The following COLEC10 variants were observed in gnomAD, a reference collection of about 807,000 sequenced individuals.
COLEC10 encodes the protein collectin subfamily member 10.
A neutral mutation model predicts 28.4 loss-of-function variants in COLEC10; 22 were observed. The observed-to-expected ratio is 0.78, with a 90% confidence interval of 0.55 to 1.11. The LOEUF is 1.11. Ranked by LOEUF, COLEC10 falls within the 50% of genes least tolerant of loss-of-function variation. COLEC10 has a pLI of 0.00. For missense variants in COLEC10, 361 were observed against 344.1 expected (o/e 1.05, Z -0.39); for synonymous variants, 125 against 116.1 (o/e 1.08, Z -0.49).
Position 119,043,325 on chromosome 8 carries a change from C to G in COLEC10, n.235+33772C>G, listed in dbSNP as rs117548462. 1.4e-3 allele frequency among the ~76,000 whole-genome samples: 213 copies of G among 152,208 alleles called. 3 individuals are homozygous for G. The East Asian group carries it at 0.035, about 25-fold the overall frequency. On this transcript the variant is annotated intron_variant and non_coding_transcript_variant, in intron 2 of 6. Transcript: ENST00000521788. ...ATAAAACATTGCAAGGATTTGTAGA[C>G]ACTAAGAAACAATAGCAGGAAGCCA...
chr8:119,061,426 C>A (rs1814853142), intron 2 of COLEC10, among the ~76,000 whole-genome samples: 1 of 144,808 alleles, frequency 6.9e-6, no homozygotes, highest in Admixed American at 6.9e-5. Context: ...ATTGAAATTT[C>A]AGAATAGCTG....
chr8:118,975,653 T>G, the COLEC10 span, among the ~76,000 whole-genome samples: 1 of 152,134 alleles, frequency 6.6e-6, no homozygotes, highest in Non-Finnish European at 1.5e-5. Context: ...TTCCAAACTA[T>G]TAATCTTGCC....
At chr8:119,070,473 C>CTCTCTT (rs1185339032) in intron 1 of COLEC10, among the ~76,000 whole-genome samples, 2 of 129,936 alleles carry the variant, frequency 1.5e-5, no homozygotes, top group East Asian at 4.7e-4. Flanking sequence ...CTCTCTCTCT[C>CTCTCTT]TCTCCTTCCC....
At chr8:119,047,370 C>T (rs892916740) in intron 2 of COLEC10, among the ~76,000 whole-genome samples, 1 of 152,142 alleles carries the variant, frequency 6.6e-6, no homozygotes, top group Non-Finnish European at 1.5e-5. Context: ...AAAGTGTGGC[C>T]ATGGCCAGCT....
intron 2 of COLEC10, among the ~76,000 whole-genome samples, chr8:119,027,785 G>A (rs146221360): frequency 6.6e-6 from 1 of 152,148 alleles, no homozygotes; most frequent in East Asian, 1.9e-4. Context: ...TCAGATGTTC[G>A]TTTCTTTGGC....
the COLEC10 span, chr8:118,976,754 C>T: frequency 6.6e-6 from 1 of 152,086 alleles, no homozygotes; most frequent in South Asian, 2.1e-4. Context: ...CAAATGGGAT[C>T]TAATTAAACT....
intron 1 of COLEC10, among the ~76,000 whole-genome samples, chr8:119,069,629 A>ATATATATATATAT (rs1448354041): frequency 4.7e-5 from 2 of 42,876 alleles, no homozygotes; most frequent in African/African-American, 7.5e-5. Flanking sequence ...AAAAAAAAAA[A>ATATATATATATAT]ATATATATAT....
intron 1 of COLEC10, among the ~76,000 whole-genome samples, chr8:119,085,145 G>A (rs112009890): frequency 2.0e-5 from 3 of 152,304 alleles, no homozygotes; most frequent in African/African-American, 7.2e-5. Context: ...CTTAACCAAG[G>A]CAGTGCACTC....
chr8:119,090,280 G>A (rs1177677808), intron 2 of COLEC10, among the ~76,000 whole-genome samples: 1 of 152,190 alleles, frequency 6.6e-6, no homozygotes, highest in Admixed American at 6.5e-5. Flanking sequence ...CAAAGATGAA[G>A]AGAGTAACAC....
intron 3 of COLEC10, among the ~76,000 whole-genome samples, chr8:119,093,919 G>A (rs1048463214): frequency 3.3e-5 from 5 of 152,102 alleles, no homozygotes; most frequent in African/African-American, 9.7e-5. Context: ...CATCCTTCTT[G>A]TACTGGGCAG....
intron 3 of COLEC10, among the ~76,000 whole-genome samples, chr8:119,092,292 G>A (rs949772051): frequency 1.3e-5 from 2 of 151,948 alleles, no homozygotes; most frequent in Non-Finnish European, 2.9e-5. Context: ...AGATGGTCTC[G>A]ATCTTCTGAC....
At chr8:119,062,079 T>C (rs1397355094) in intron 2 of COLEC10, among the ~76,000 whole-genome samples, 1 of 152,162 alleles carries the variant, frequency 6.6e-6, no homozygotes, top group Non-Finnish European at 1.5e-5. Flanking sequence ...AATGTAATCA[T>C]AATGTACTAT....
intron 2 of COLEC10, among the ~76,000 whole-genome samples, chr8:119,061,341 A>T (rs1814850997): frequency 6.6e-6 from 1 of 152,014 alleles, no homozygotes; most frequent in Non-Finnish European, 1.5e-5. Flanking sequence ...ACTGATGGAC[A>T]ATTATTTCCA....
At chr8:119,032,916 C>A (rs191160627) in intron 2 of COLEC10, among the ~76,000 whole-genome samples, 29 of 152,250 alleles carry the variant, frequency 1.9e-4, no homozygotes, top group African/African-American at 7.0e-4. Flanking sequence ...TAAAGCCAAA[C>A]CAAACCAAAA....
chr8:119,028,163 T>C (rs1311357816), intron 2 of COLEC10, among the ~76,000 whole-genome samples: 3 of 152,154 alleles, frequency 2.0e-5, no homozygotes, highest in Non-Finnish European at 2.9e-5. Context: ...GTCTTATACA[T>C]CTTTGTTTCT....
upstream of COLEC10, among the ~76,000 whole-genome samples, chr8:118,995,088 T>C (rs556901119): frequency 2.6e-5 from 4 of 152,282 alleles, no homozygotes; most frequent in South Asian, 6.2e-4. Flanking sequence ...ACCTTACCAA[T>C]CAGCAAACTT....
intron 1 of COLEC10, among the ~76,000 whole-genome samples, chr8:118,996,176 CA>C (rs1332208663): frequency 6.6e-6 from 1 of 152,176 alleles, no homozygotes; most frequent in Non-Finnish European, 1.5e-5. Flanking sequence ...ATAGTGTCCT[CA>C]AGGGTCATCC....
At chr8:119,007,875 T>C (rs1340413051) in intron 1 of COLEC10, among the ~76,000 whole-genome samples, 1 of 150,868 alleles carries the variant, frequency 6.6e-6, no homozygotes, top group Non-Finnish European at 1.5e-5. Context: ...GGTTTTCTCA[T>C]TTATAAAAAT....
In COLEC10 at chr8:119,011,115, C is replaced by A. The variant is rs184909819; in HGVS notation, n.235+1562C>A. ...TCTTCTCTTGAAGTTTTATAGTCTA[C>A]ATTTTACAATTAGGTCTGTGATTCA... On this transcript the variant is annotated intron_variant and non_coding_transcript_variant, in intron 2 of 6. Transcript: ENST00000521788. Among the ~76,000 whole-genome samples, 69 of 151,106 alleles carry A rather than the reference C, an allele frequency of 4.6e-4. 4 individuals carry two copies. Among genetic ancestry groups the A allele is most frequent in the African/African-American group, 1.6e-3 (65 of 40,540 alleles).
Sources: gnomAD v4.1 joint callset for allele counts (sites outside exome capture counted in the v4.1 genomes callset) on GRCh38, gnomAD v4.1.1 for gene constraint, MANE v1.5 for transcripts, NCBI Gene and HGNC (gene_info 2026-07-23, HGNC 2026-07-21) for gene names.